Variants in YEATS2 observed in about 807,000 individuals in gnomAD.
YEATS2 encodes YEATS domain containing 2.
Under a neutral mutation model 163.2 loss-of-function variants are expected in YEATS2, and 77 were observed. The ratio of observed to expected loss-of-function variants is 0.47; its 90% CI spans 0.39 to 0.57. The LOEUF (loss-of-function observed/expected upper bound fraction) is 0.57, where lower values mean the gene tolerates loss of function less well. Ranked by LOEUF, YEATS2 falls within the 20% of genes least tolerant of loss-of-function variation. The probability of loss-of-function intolerance (pLI) is 0.00; values close to 1 mark genes in which losing one functional copy is unlikely to be tolerated. For missense variants in YEATS2, 1,549 were observed against 1,729.8 expected, an observed-to-expected ratio of 0.90 and a Z score of 1.85; for synonymous variants, 631 against 645.1, an observed-to-expected ratio of 0.98 and a Z score of 0.33.
intron 28 of YEATS2, 41 bp downstream of exon 28, chr3:183,807,133 T>C (rs1726295616): frequency 4.5e-6 from 7 of 1,560,952 alleles, no homozygotes; most frequent in African/African-American, 1.4e-5. Context: ...GCAGACCAGC[T>C]CAGAGCTAGA....
At chr3:183,753,530 C>T (rs1720401576) in intron 10 of YEATS2, among the ~76,000 whole-genome samples, 1 of 152,156 alleles carries the variant, frequency 6.6e-6, no homozygotes, top group Non-Finnish European at 1.5e-5. Flanking sequence ...ATCGGATCAC[C>T]TGAGGTCAGG....
Position 183,721,973 on chromosome 3 carries a change from C to G in YEATS2, c.374C>G (p.Pro125Arg). 1.9e-6 allele frequency: 3 copies of G among 1,614,160 alleles called. No individual in the cohort carries two copies. The highest frequency in any genetic ancestry group is 2.5e-6 in the Non-Finnish European group (3 of 1,180,038). ...FLESPSRSSSPANQRAETPSA... is the reference protein window; with the variant it reads ...FLESPSRSSSRANQRAETPSA... Reference sequence around the variant, plus strand: ...GAATCACCATCTAGGTCATCATCTCCTGCCAATCAGAGAGCAGAAACACCA... The same window carrying G: ...GAATCACCATCTAGGTCATCATCTCGTGCCAATCAGAGAGCAGAAACACCA... The change falls in exon 5 of 31, where the codon CCT becomes CGT. Residue 125 changes from proline to arginine, a missense_variant. Transcript: ENST00000305135.
At chr3:183,720,943 T>C (rs143498454) in intron 4 of YEATS2, among the ~76,000 whole-genome samples, 7 of 152,328 alleles carry the variant, frequency 4.6e-5, no homozygotes, top group African/African-American at 1.7e-4. Context: ...CTTCTCTGTG[T>C]GTCTGTGTCC....
rs576484882 is a variant in YEATS2 at position 183,748,998 on chromosome 3, G to A, written c.969+1282G>A. On this transcript the variant is annotated intron_variant, in intron 9 of 30. Coordinates refer to ENST00000305135, the MANE Select transcript of YEATS2 (RefSeq NM_018023.5). ...CACTCTGTCGCCCAGTCTGGAGTGC[G>A]GTGGCGTGATCTCCACTCACTGCAA... 9.5e-4 allele frequency among the ~76,000 whole-genome samples: 144 copies of A among 151,782 alleles called. 1 individual carries two copies. The highest frequency in any genetic ancestry group is 3.2e-3 in the African/African-American group (134 of 41,368).
At chr3:183,742,664 G>A (rs1392938343) in intron 8 of YEATS2, among the ~76,000 whole-genome samples, 1 of 152,138 alleles carries the variant, frequency 6.6e-6, no homozygotes, top group East Asian at 1.9e-4. Context: ...TGACAACAAA[G>A]GATTTAGAAT....
chr3:183,717,183 A>C (rs189161389), intron 2 of YEATS2, among the ~76,000 whole-genome samples: 1,552 of 152,014 alleles, frequency 0.01, 11 homozygotes, highest in Non-Finnish European at 0.015. Context: ...GCGAGCCACC[A>C]TGCCTGGCCC....
intron 28 of YEATS2, chr3:183,807,340 G>GTT (rs1726321125): frequency 2.2e-6 from 1 of 464,788 alleles, no homozygotes; most frequent in Non-Finnish European, 3.9e-6. Flanking sequence ...AACATTGCTT[G>GTT]TTGAACGCAG....
intron 6 of YEATS2, among the ~76,000 whole-genome samples, chr3:183,726,144 G>A (rs1365198619): frequency 6.6e-6 from 1 of 152,150 alleles, no homozygotes; most frequent in Non-Finnish European, 1.5e-5. Flanking sequence ...TGGAGTCTCT[G>A]CGTTAGTGTG....
chr3:183,787,048 G>A lies in YEATS2; in HGVS notation c.2913+747G>A, dbSNP rs761014190. On this transcript the variant is annotated intron_variant, in intron 20 of 30. Transcript: ENST00000305135. ...CGGCTCACTGGAACCTCCATCTCCCGGGTTCAAGCGATTCCCCTGCCTCAG... is the reference window on the plus strand; with the variant it reads ...CGGCTCACTGGAACCTCCATCTCCCAGGTTCAAGCGATTCCCCTGCCTCAG... Among the ~76,000 whole-genome samples, 20 of 152,160 alleles carry A rather than the reference G, an allele frequency of 1.3e-4. No homozygotes were observed. In the South Asian group the frequency reaches 1.5e-3, roughly 11 times the overall value.
intron 8 of YEATS2, among the ~76,000 whole-genome samples, chr3:183,745,684 A>C (rs1719458438): frequency 6.6e-6 from 1 of 152,176 alleles, no homozygotes; most frequent in Admixed American, 6.5e-5. Context: ...AATGTGTGAA[A>C]TTACTATATC....
intron 2 of YEATS2, 72 bp from the exon 3 acceptor site, chr3:183,717,579 T>C (rs1365977939): frequency 7.0e-6 from 8 of 1,150,778 alleles, no homozygotes; most frequent in Non-Finnish European, 9.9e-6. Context: ...ATTTCTTTTG[T>C]TGCTTGCTGA....
chr3:183,758,978 C>A lies in YEATS2; in HGVS notation c.1656+13C>A. 6.8e-7 allele frequency: 1 copy of A among 1,469,666 alleles called. No homozygotes were observed. Among genetic ancestry groups the A allele is most frequent in the Non-Finnish European group, 9.3e-7 (1 of 1,079,402 alleles). The allele number at this position is 1,469,666 out of a possible 1,614,324, so 91.0% of individuals were successfully genotyped here. A position where few individuals can be genotyped will look rare whatever the true frequency, so the allele number is the denominator to read the frequency against. On this transcript the variant is annotated intron_variant, in intron 13 of 30. Coordinates refer to ENST00000305135, the MANE Select transcript of YEATS2 (RefSeq NM_018023.5). The stretch of plus-strand genomic sequence containing the variant: ...ATCTACTGTCAAGGTAACATTCTTA[C>A]TGCGTTATTACACTTTGCTAGCTTC...
Position 183,790,794 on chromosome 3 carries a change from C to T in YEATS2, c.2914-3C>T, listed in dbSNP as rs1359052714. The T allele has an allele frequency of 6.2e-7, 1 of 1,612,248 alleles. No individual in the cohort carries two copies. Among genetic ancestry groups the T allele is most frequent in the Non-Finnish European group, 8.5e-7 (1 of 1,178,528 alleles). ...TGTTGTTTCGGACCCCATGGGTGAG[C>T]AGTCTGAAGGAATGGCTCCCGTGTC... On this transcript the variant is annotated splice_region_variant and splice_polypyrimidine_tract_variant and intron_variant, in intron 20 of 30. Transcript: ENST00000305135.
intron 19 of YEATS2, among the ~76,000 whole-genome samples, chr3:183,778,231 G>A (rs1442718967): frequency 1.3e-5 from 2 of 152,062 alleles, no homozygotes; most frequent in Admixed American, 6.6e-5. Flanking sequence ...GGACCCAGGT[G>A]TTATTCTCAT....
rs57176132 is a variant in YEATS2 at position 183,767,386 on chromosome 3, A to ATT, written c.1948-4908_1948-4907dup. Among the ~76,000 whole-genome samples the ATT allele has an allele frequency of 7.2e-4, 106 of 146,588 alleles. 2 individuals carry two copies. In the South Asian group the frequency reaches 8.2e-3, roughly 11 times the overall value. On this transcript the variant is annotated intron_variant, in intron 15 of 30. Transcript: ENST00000305135. ...AGGCCCACACCACCACGCCCAGCTA[A>ATT]TTTTTTTTTTTTGAGCTGGAGTCTT... is the stretch of plus-strand genomic sequence containing the variant.
intron 1 of YEATS2, among the ~76,000 whole-genome samples, chr3:183,700,835 G>A (rs1232500443): frequency 6.7e-6 from 1 of 149,014 alleles, no homozygotes; most frequent in Non-Finnish European, 1.5e-5. Context: ...CTATTTATAC[G>A]AAATGTCCAG....
intron 21 of YEATS2, among the ~76,000 whole-genome samples, chr3:183,793,723 C>T (rs1029484343): frequency 2.0e-5 from 3 of 150,656 alleles, no homozygotes; most frequent in African/African-American, 7.3e-5. Context: ...AGCGATTCTC[C>T]TGCCTCAGCC....
At chr3:183,765,944 C>CT (rs1721860590) in intron 15 of YEATS2, among the ~76,000 whole-genome samples, 1 of 144,604 alleles carries the variant, frequency 6.9e-6, no homozygotes, top group South Asian at 2.2e-4. Context: ...AAGACTCTGT[C>CT]TAAAAAAAAA....
rs533835302 is a variant in YEATS2 at position 183,724,348 on chromosome 3, C to T, written c.538-71C>T. On this transcript the variant is annotated intron_variant, in intron 5 of 30. Coordinates refer to ENST00000305135, the MANE Select transcript of YEATS2 (RefSeq NM_018023.5). ...TTAGTTATTCCATTTATACTTTTTA[C>T]AATTTTGTGGTTTCTGTCCTATTGA... is the stretch of plus-strand genomic sequence containing the variant. 9 of 1,145,682 alleles carry T rather than the reference C, an allele frequency of 7.9e-6. No individual in the cohort carries two copies. In the African/African-American group the frequency reaches 1.1e-4, roughly 14 times the overall value. 71.0% of individuals were successfully genotyped at this position (1,145,682 alleles called of 1,614,324 possible). A position where few individuals can be genotyped will look rare whatever the true frequency, so the allele number is the denominator to read the frequency against.
Sources: gnomAD v4.1 joint callset for allele counts (sites outside exome capture counted in the v4.1 genomes callset) on GRCh38, gnomAD v4.1.1 for gene constraint, MANE v1.5 for transcripts, NCBI Gene and HGNC (gene_info 2026-07-23, HGNC 2026-07-21) for gene names.